DCAF5: variants seen among roughly 807,000 people sequenced by gnomAD.
DCAF5 encodes DDB1- and CUL4-associated factor 5.
In DCAF5, 9 loss-of-function variants were observed where a neutral mutation model predicts 80.7. That is an observed-to-expected ratio of 0.11 (90% CI 0.07 to 0.19). The LOEUF (loss-of-function observed/expected upper bound fraction) is 0.19, where lower values mean the gene tolerates loss of function less well. Among genes scored for constraint, DCAF5 ranks in the 10% least tolerant of loss-of-function variants. The pLI is 1.00. For synonymous variants in DCAF5, 433 were observed against 461.9 expected, an observed-to-expected ratio of 0.94 and a Z score of 0.80; for missense variants, 842 against 1,205.7, an observed-to-expected ratio of 0.70 and a Z score of 4.47.
chr14:69,106,967 A>G (rs1170089068), intron 5 of DCAF5, among the ~76,000 whole-genome samples: 4 of 152,250 alleles, frequency 2.6e-5, no homozygotes, highest in South Asian at 4.1e-4. Flanking sequence ...GCCTGAACCC[A>G]AGAGGTGGAA....
At chr14:69,060,589 T>C (rs1195049335) in intron 8 of DCAF5, among the ~76,000 whole-genome samples, 1 of 152,118 alleles carries the variant, frequency 6.6e-6, no homozygotes, top group African/African-American at 2.4e-5. Context: ...TGGAGTGCAG[T>C]GGCACAATCT....
intron 7 of DCAF5, among the ~76,000 whole-genome samples, chr14:69,069,191 A>G (rs1185118999): frequency 6.6e-6 from 1 of 152,226 alleles, no homozygotes; most frequent in Non-Finnish European, 1.5e-5. Context: ...TGCAGGCCCA[A>G]AAAAATGCAT....
intron 1 of DCAF5, among the ~76,000 whole-genome samples, chr14:69,144,942 T>G (rs555408275): frequency 6.6e-6 from 1 of 152,282 alleles, no homozygotes; most frequent in East Asian, 1.9e-4. Flanking sequence ...TCCTTCCATT[T>G]CTCCGATCCC....
chr14:69,060,949 T>C (rs77561112), intron 8 of DCAF5, among the ~76,000 whole-genome samples: 40 of 92,518 alleles, frequency 4.3e-4, no homozygotes, highest in Admixed American at 3.4e-4. Context: ...ATAATCACAA[T>C]TTTTATTTTT....
chr14:69,138,147 A>T (rs1413000989), intron 1 of DCAF5, among the ~76,000 whole-genome samples: 3 of 152,188 alleles, frequency 2.0e-5, no homozygotes, highest in Admixed American at 6.5e-5. Context: ...AAAAAGGAAC[A>T]TAGCAATCCT....
intron 8 of DCAF5, among the ~76,000 whole-genome samples, chr14:69,060,773 C>G (rs1347936601): frequency 6.6e-6 from 1 of 152,136 alleles, no homozygotes; most frequent in East Asian, 1.9e-4. Context: ...CTCAGCTGAT[C>G]CACTTGCCTC....
intron 1 of DCAF5, among the ~76,000 whole-genome samples, chr14:69,128,962 A>G (rs1043679795): frequency 2.0e-5 from 3 of 152,018 alleles, no homozygotes; most frequent in Non-Finnish European, 4.4e-5. Context: ...TACTAAAAGA[A>G]AAAAAAAGAA....
At chr14:69,069,182 G>A (rs1382835237) in intron 7 of DCAF5, among the ~76,000 whole-genome samples, 1 of 152,162 alleles carries the variant, frequency 6.6e-6, no homozygotes, top group Non-Finnish European at 1.5e-5. Context: ...ACAAACATAT[G>A]CAGGCCCAAA....
At chr14:69,085,507 T>G (rs1354463877) in intron 6 of DCAF5, 4 of 319,524 alleles carry the variant, frequency 1.3e-5, no homozygotes, top group African/African-American at 6.7e-5. Context: ...GAGTATAAAT[T>G]GAATTCGGTT....
chr14:69,107,636 G>A (rs2040208500), intron 5 of DCAF5, among the ~76,000 whole-genome samples: 1 of 152,076 alleles, frequency 6.6e-6, no homozygotes, highest in African/African-American at 2.4e-5. Context: ...CAGAATACCT[G>A]GCTCTCTGCC....
intron 8 of DCAF5, 137 bp downstream of exon 8, chr14:69,062,247 G>A (rs2038242124): frequency 3.2e-6 from 3 of 949,920 alleles, no homozygotes; most frequent in East Asian, 2.7e-5. Context: ...CTAATATTTT[G>A]TAATATGTTA....
chr14:69,105,943 A>ATATATC (rs1223858774), intron 5 of DCAF5, among the ~76,000 whole-genome samples: 2 of 74,200 alleles, frequency 2.7e-5, no homozygotes, highest in South Asian at 3.5e-4. Context: ...ATATATATAT[A>ATATATC]TATCTCCTAT....
chr14:69,139,781 C>A, intron 1 of DCAF5, among the ~76,000 whole-genome samples: 1 of 148,620 alleles, frequency 6.7e-6, no homozygotes, highest in African/African-American at 2.5e-5. Flanking sequence ...CACCACTGCA[C>A]TCCAGCCTGT....
At chr14:69,131,226 C>A (rs2041028783) in intron 1 of DCAF5, among the ~76,000 whole-genome samples, 1 of 152,122 alleles carries the variant, frequency 6.6e-6, no homozygotes, top group Non-Finnish European at 1.5e-5. Context: ...TTACTTAATA[C>A]CCTTTCATAT....
chr14:69,111,312 G>A (rs1171149640), intron 5 of DCAF5, among the ~76,000 whole-genome samples: 1 of 152,178 alleles, frequency 6.6e-6, no homozygotes, highest in East Asian at 1.9e-4. Flanking sequence ...GAACCTAAGA[G>A]CAATTTCCCG....
chr14:69,102,935 T>C (rs1227632342), intron 5 of DCAF5, among the ~76,000 whole-genome samples: 1 of 152,214 alleles, frequency 6.6e-6, no homozygotes, highest in Non-Finnish European at 1.5e-5. Context: ...TTTATACGAC[T>C]GGCAGCACAG....
chr14:69,054,564 T>G lies in DCAF5; in HGVS notation c.2122A>C (p.Lys708Gln). Residue 708 changes from lysine to glutamine, a missense_variant, in exon 9 of 9, where the codon AAG (lysine) becomes CAG (glutamine). By Grantham distance (53) the Lys-to-Gln change is moderately conservative. Transcript: ENST00000341516. ...HKDNPAPSSS[K>Q]EACLNIAMAQ... ...ATTGCTATGTTTAGACAGGCTTCCT[T>G]ACTGGAAGAAGGGGCTGGGTTGTCT... 1 of 1,614,196 alleles carries G rather than the reference T, an allele frequency of 6.2e-7. No homozygotes were observed.
chr14:69,058,959 C>T (rs926765743), intron 8 of DCAF5, among the ~76,000 whole-genome samples: 17 of 151,740 alleles, frequency 1.1e-4, no homozygotes, highest in Non-Finnish European at 2.1e-4. Flanking sequence ...CAAATATTTT[C>T]CTCTCCATGC....
intron 7 of DCAF5, among the ~76,000 whole-genome samples, chr14:69,063,942 G>A (rs910392627): frequency 5.3e-5 from 8 of 152,038 alleles, no homozygotes; most frequent in African/African-American, 1.4e-4. Context: ...TATATTTATC[G>A]TATTCATATC....
Sources: allele counts gnomAD v4.1 joint callset (sites outside exome capture counted in the v4.1 genomes callset), GRCh38; gene constraint gnomAD v4.1.1; transcripts MANE v1.5; gene names NCBI Gene and HGNC (gene_info 2026-07-23, HGNC 2026-07-21).